Variants in ACSM5 observed in about 807,000 individuals in gnomAD.
ACSM5 encodes acyl-coenzyme A synthetase ACSM5, mitochondrial.
ACSM5 carries 56 observed loss-of-function variants against 71.6 expected under a neutral mutation model. That is an observed-to-expected ratio of 0.78 (90% CI 0.63 to 0.98). The LOEUF is 0.98. Among genes scored for constraint, ACSM5 ranks in the 50% least tolerant of loss-of-function variants. The pLI is 0.00. For synonymous variants in ACSM5, 285 were observed against 281.5 expected, an observed-to-expected ratio of 1.01 and a Z score of -0.12; for missense variants, 723 against 726.0, an observed-to-expected ratio of 1.00 and a Z score of 0.05.
chr16:20,435,908 C>T (rs1328143495), intron 10 of ACSM5, among the ~76,000 whole-genome samples: 2 of 151,178 alleles, frequency 1.3e-5, no homozygotes. Flanking sequence ...CCTTCTCCCA[C>T]CCTCCCTTTC....
chr16:20,438,417 G>C (rs1289766003), intron 12 of ACSM5, among the ~76,000 whole-genome samples: 2 of 151,816 alleles, frequency 1.3e-5, no homozygotes, highest in African/African-American at 4.8e-5. Flanking sequence ...TGATTACTGG[G>C]AATGCAGCCC....
At chr16:20,438,155 G>T (rs374039391) in intron 12 of ACSM5, among the ~76,000 whole-genome samples, 1 of 151,860 alleles carries the variant, frequency 6.6e-6, no homozygotes, top group Admixed American at 6.6e-5. Flanking sequence ...GGGTCCCAGA[G>T]GAATGCATAT....
Position 20,429,730 on chromosome 16 carries a change from C to A in ACSM5, c.1054C>A (p.Pro352Thr), listed in dbSNP as rs139695729. The A allele has an allele frequency of 1.3e-4, 206 of 1,613,542 alleles. No homozygotes were observed. The highest frequency in any genetic ancestry group is 1.6e-4 in the Non-Finnish European group (185 of 1,179,806). Residue 352 changes from proline to threonine, a missense_variant, in exon 8 of 14, where the codon CCT becomes ACT. Physicochemically the swap from Pro to Thr is conservative, Grantham distance 38. Transcript: ENST00000331849. ...HCLTGGEALN[P>T]DVREKWKHQT... The stretch of plus-strand genomic sequence containing the variant: ...TCTGACCGGAGGAGAGGCCCTCAAC[C>A]CTGACGTGAGGGAGAAGTGGAAACA...
chr16:20,437,280 G>C lies in ACSM5; in HGVS notation c.1449G>C (p.Gly483=), dbSNP rs753312220. ...TTTTCCCTTCCAGCTACCGGATCGG[G>C]CCTGTTGAAGTGGAAAGTGCCCTGG... ...DVINSSSYRI[G]PVEVESALAE... is the part of the protein sequence containing the mutation. Residue 483 remains glycine (G), a synonymous_variant, in exon 12 of 14, where the codon GGG becomes GGC. Transcript: ENST00000331849. 3 of 1,614,140 alleles carry C rather than the reference G, an allele frequency of 1.9e-6. No homozygotes were observed. Among genetic ancestry groups the C allele is most frequent in the Non-Finnish European group, 2.5e-6 (3 of 1,180,034 alleles).
In ACSM5 at chr16:20,439,902, T is replaced by C; in HGVS notation, c.1639T>C (p.Tyr547His). ...GCATGTGAAAAGGGTGACTGCTCCA[T>C]ACAAATACCCCAGGAAGGTAAATAT... ...QEHVKRVTAP[Y>H]KYPRKVAFVS... Residue 547 changes from tyrosine to histidine, a missense_variant, in exon 13 of 14, where the codon TAC (tyrosine) becomes CAC (histidine). Transcript: ENST00000331849. 2 of 1,612,374 alleles carry C rather than the reference T, an allele frequency of 1.2e-6. No individual in the cohort carries two copies. The highest frequency in any genetic ancestry group is 1.7e-6 in the Non-Finnish European group (2 of 1,178,752).
At chr16:20,437,620 G>T (rs546358958) in intron 12 of ACSM5, among the ~76,000 whole-genome samples, 1 of 128,750 alleles carries the variant, frequency 7.8e-6, no homozygotes, top group East Asian at 4.8e-4. Flanking sequence ...TGGCTATGGG[G>T]CAGGAGATCT....
At chr16:20,410,490 G>C (rs1248261725) in intron 1 of ACSM5, among the ~76,000 whole-genome samples, 1 of 152,194 alleles carries the variant, frequency 6.6e-6, no homozygotes, top group South Asian at 2.1e-4. Flanking sequence ...CAGCACTTGG[G>C]AGGCCGAGTT....
rs1966861431 is a variant in ACSM5 at position 20,418,118 on chromosome 16, C to T, written c.264C>T (p.Ile88=). The T allele has an allele frequency of 1.2e-6, 2 of 1,613,796 alleles. 1 individual carries two copies. Among genetic ancestry groups the T allele is most frequent in the Middle Eastern group, 3.4e-4 (2 of 5,910 alleles). Residue 88 remains isoleucine (I), a synonymous_variant, in exon 3 of 14, where the codon ATC becomes ATT. Transcript: ENST00000331849. The stretch of plus-strand genomic sequence containing the variant: ...GGGTCAATGGCACAGGAGCAGAGAT[C>T]AAGTGGAGCTTTGAGGAGCTGGGGA... ...FWWVNGTGAE[I]KWSFEELGKQ... is the part of the protein sequence containing the mutation.
chr16:20,421,417 G>T lies in ACSM5; in HGVS notation c.767+16G>T, dbSNP rs771645771. ...CCAGCGGAAGGTACCAGAGCAGCTT[G>T]TCTAGAGGATCCAAGAACAGAAAGT... On this transcript the variant is annotated intron_variant, in intron 5 of 13. Transcript: ENST00000331849. The T allele has an allele frequency of 1.9e-6, 3 of 1,560,080 alleles. No homozygotes were observed. In the South Asian group the frequency reaches 3.5e-5, roughly 18 times the overall value.
intron 2 of ACSM5, among the ~76,000 whole-genome samples, chr16:20,417,225 CAT>C (rs1400098247): frequency 3.3e-5 from 5 of 152,112 alleles, no homozygotes; most frequent in Non-Finnish European, 7.4e-5. Flanking sequence ...CAATAGAAAA[CAT>C]GTGCTCACAG....
At chr16:20,410,064 A>T (rs1966844759) in intron 1 of ACSM5, among the ~76,000 whole-genome samples, 1 of 152,176 alleles carries the variant, frequency 6.6e-6, no homozygotes, top group East Asian at 1.9e-4. Flanking sequence ...CATTTTCTTT[A>T]TCTTTAAATG....
At chr16:20,422,414 C>T (rs777051470) in intron 5 of ACSM5, among the ~76,000 whole-genome samples, 3 of 152,146 alleles carry the variant, frequency 2.0e-5, no homozygotes, top group African/African-American at 7.2e-5. Context: ...CTGGCCTCGA[C>T]CACATTTTAA....
At position 20,440,520 on chromosome 16, in the gene ACSM5, G is replaced by A. The variant is rs572124327; in HGVS notation, c.*93G>A. 1.8e-4 allele frequency: 206 copies of A among 1,165,216 alleles called. 2 individuals are homozygous for A. Among genetic ancestry groups the A allele is most frequent in the Non-Finnish European group, 2.3e-4 (181 of 782,066 alleles). The allele number at this position is 1,165,216 out of a possible 1,614,324, so 72.2% of individuals were successfully genotyped here. On this transcript the variant is annotated 3_prime_UTR_variant, in exon 14 of 14. Transcript: ENST00000331849. ...TCCCCATGGGGAGCATCATCTCTTC[G>A]ACCCTAAAGATGTCAAAGGTGTGCA...
chr16:20,425,861 T>G (rs1219310163), intron 6 of ACSM5, among the ~76,000 whole-genome samples: 1 of 152,120 alleles, frequency 6.6e-6, no homozygotes, highest in African/African-American at 2.4e-5. Flanking sequence ...TGTTCCACAT[T>G]TTTGCAATTG....
chr16:20,430,326 G>A (rs1332028693), intron 8 of ACSM5, among the ~76,000 whole-genome samples: 9 of 151,700 alleles, frequency 5.9e-5, no homozygotes, highest in Non-Finnish European at 1.2e-4. Flanking sequence ...GGCATTGTTT[G>A]TCTCCACCAA....
intron 6 of ACSM5, among the ~76,000 whole-genome samples, chr16:20,425,004 T>C (rs987213521): frequency 1.2e-4 from 18 of 152,272 alleles, no homozygotes; most frequent in East Asian, 7.7e-4. Context: ...AATCTAATTA[T>C]ACTCTTTCAG....
intron 2 of ACSM5, among the ~76,000 whole-genome samples, chr16:20,414,018 C>T (rs140717730): frequency 6.6e-6 from 1 of 152,276 alleles, no homozygotes; most frequent in Non-Finnish European, 1.5e-5. Flanking sequence ...CAAGCAGCAA[C>T]AGCAAACCAA....
chr16:20,429,864 G>T (rs548193223), intron 8 of ACSM5, 63 bp downstream of exon 8: 2 of 1,581,920 alleles, frequency 1.3e-6, no homozygotes, highest in South Asian at 1.1e-5. Context: ...CTGCCTCTCC[G>T]GCTGTCACCT....
At chr16:20,421,653 A>G (rs1383624237) in intron 5 of ACSM5, among the ~76,000 whole-genome samples, 2 of 132,894 alleles carry the variant, frequency 1.5e-5, no homozygotes, top group Non-Finnish European at 3.1e-5. Flanking sequence ...ATATATATAT[A>G]TATACACACA....
Sources: allele counts gnomAD v4.1 joint callset (sites outside exome capture counted in the v4.1 genomes callset), GRCh38; gene constraint gnomAD v4.1.1; transcripts MANE v1.5; gene names NCBI Gene and HGNC (gene_info 2026-07-23, HGNC 2026-07-21).